The following STK32B variants were observed in gnomAD, a reference collection of about 807,000 sequenced individuals.
STK32B encodes serine/threonine kinase 32B.
STK32B carries 43 observed loss-of-function variants against 52.6 expected under a neutral mutation model. The observed-to-expected ratio is 0.82, with a 90% CI of 0.64 to 1.05. The LOEUF is 1.05. Among genes scored for constraint, STK32B ranks in the 50% least tolerant of loss-of-function variants. The pLI, the probability that STK32B is intolerant of heterozygous loss-of-function variation, is 0.00. For synonymous variants in STK32B, 238 were observed against 204.3 expected (o/e 1.17, Z -1.41); for missense variants, 621 against 534.6 (o/e 1.16, Z -1.59).
At chr4:5,156,218 A>G (rs1213471191) in intron 2 of STK32B, among the ~76,000 whole-genome samples, 2 of 152,000 alleles carry the variant, frequency 1.3e-5, no homozygotes, top group Non-Finnish European at 2.9e-5. Context: ...ACACTTACAC[A>G]TATAGCGTAT....
chr4:5,498,392 TAAC>T (rs3078911), intron 11 of STK32B, among the ~76,000 whole-genome samples: 10,714 of 152,218 alleles, frequency 0.07, 1,229 homozygotes, highest in African/African-American at 0.24. Context: ...AGTCTGTGTT[TAAC>T]AACTGTTTGG....
chr4:5,158,428 C>T (rs1429907430), intron 2 of STK32B, among the ~76,000 whole-genome samples: 1 of 152,150 alleles, frequency 6.6e-6, no homozygotes, highest in Non-Finnish European at 1.5e-5. Flanking sequence ...CTTTGTTCCC[C>T]TCCACCTGCT....
chr4:5,401,251 C>T (rs188456996), intron 5 of STK32B, among the ~76,000 whole-genome samples: 287 of 152,278 alleles, frequency 1.9e-3, no homozygotes, highest in African/African-American at 6.5e-3. Flanking sequence ...GCACCCCATT[C>T]GTGCTGGCAT....
In STK32B at chr4:5,453,152, G is replaced by A. The variant is rs1716157536; in HGVS notation, c.667-3655G>A. 6.6e-6 allele frequency among the ~76,000 whole-genome samples: 1 copy of A among 152,004 alleles called. No individual in the cohort carries two copies. The highest frequency in any genetic ancestry group is 2.4e-5 in the African/African-American group (1 of 41,380). On this transcript the variant is annotated intron_variant, in intron 7 of 11. Transcript: ENST00000282908. This position sits in a 1 kb window ranked among gnomAD's most constrained non-coding sequence, Gnocchi z 4.0. ...TGCACTGGCTTCCTAGTGCATTGGAGTTATTATTATCATCATTGTTTTTGT... is the reference window on the plus strand; with the variant it reads ...TGCACTGGCTTCCTAGTGCATTGGAATTATTATTATCATCATTGTTTTTGT...
At chr4:5,292,784 T>A (rs1055566841) in intron 3 of STK32B, among the ~76,000 whole-genome samples, 11 of 152,072 alleles carry the variant, frequency 7.2e-5, no homozygotes, top group East Asian at 3.8e-4. Flanking sequence ...TCTTTTTTTT[T>A]AAATTACACT....
chr4:5,291,001 C>G (rs1728862554), intron 3 of STK32B, among the ~76,000 whole-genome samples: 1 of 152,150 alleles, frequency 6.6e-6, no homozygotes, highest in Non-Finnish European at 1.5e-5. Context: ...ATCAATTCAT[C>G]ATAAAGATGT....
At chr4:5,107,142 ATAGGAGCG>A (rs1208898191) in intron 1 of STK32B, among the ~76,000 whole-genome samples, 11 of 152,080 alleles carry the variant, frequency 7.2e-5, no homozygotes, top group Non-Finnish European at 1.5e-4. Context: ...TTAGATTTTC[ATAGGAGCG>A]CAAACCTATA....
intron 3 of STK32B, among the ~76,000 whole-genome samples, chr4:5,254,785 A>G (rs952346702): frequency 2.0e-5 from 3 of 152,078 alleles, no homozygotes; most frequent in Non-Finnish European, 4.4e-5. Context: ...CACAGGTGCT[A>G]TGTTCTTTGA....
chr4:5,164,424 G>T (rs963654480), intron 2 of STK32B, among the ~76,000 whole-genome samples: 7 of 152,158 alleles, frequency 4.6e-5, no homozygotes, highest in African/African-American at 1.7e-4. Context: ...AATCCAGGTT[G>T]ATCTCATCCT....
chr4:5,255,454 AG>A (rs771217806), intron 3 of STK32B, among the ~76,000 whole-genome samples: 2 of 152,152 alleles, frequency 1.3e-5, no homozygotes, highest in Non-Finnish European at 2.9e-5. Flanking sequence ...ACATACATAC[AG>A]CAAAGTGAAT....
intron 3 of STK32B, among the ~76,000 whole-genome samples, chr4:5,304,396 G>A (rs1729778556): frequency 6.7e-6 from 1 of 148,726 alleles, no homozygotes; most frequent in African/African-American, 2.5e-5. Flanking sequence ...CAGCTCCTTG[G>A]TTAGGTACAG....
chr4:5,342,151 G>A (rs1273409115), intron 4 of STK32B, among the ~76,000 whole-genome samples: 1 of 152,088 alleles, frequency 6.6e-6, no homozygotes, highest in Non-Finnish European at 1.5e-5. Flanking sequence ...GATTCCTCAA[G>A]GATCTAGAAC....
rs138789620 is a variant in STK32B, at chr4:5,168,511, C to T, written c.260+61C>T. 809 of 1,535,698 alleles carry T rather than the reference C, an allele frequency of 5.3e-4. 4 individuals are homozygous for T. In the African/African-American group the frequency reaches 9.5e-3, roughly 18 times the overall value. ...CCCTGTGGGGAGCCAAATGCAAATT[C>T]GCCTCTGCTAGAGGGACTCTTCCGC... On this transcript the variant is annotated intron_variant, in intron 3 of 11. Coordinates refer to ENST00000282908, the MANE Select transcript of STK32B (RefSeq NM_018401.3).
chr4:5,156,964 C>G (rs1337406890), intron 2 of STK32B, among the ~76,000 whole-genome samples: 2 of 151,864 alleles, frequency 1.3e-5, no homozygotes, highest in African/African-American at 4.8e-5. Flanking sequence ...TTTGCAGGCT[C>G]TCACAGCTGC....
At chr4:5,244,872 T>A (rs1483406981) in intron 3 of STK32B, among the ~76,000 whole-genome samples, 2 of 152,238 alleles carry the variant, frequency 1.3e-5, no homozygotes, top group Non-Finnish European at 1.5e-5. Context: ...TAAGTTTCCA[T>A]GTAGTTGAGC....
the STK32B span, among the ~76,000 whole-genome samples, chr4:5,041,156 T>C: frequency 1.3e-5 from 2 of 152,184 alleles, no homozygotes; most frequent in South Asian, 2.1e-4. Flanking sequence ...TTCTGAGTCC[T>C]TTTCTTCAGG....
the STK32B span, chr4:5,019,584 C>T: frequency 1.1e-6 from 1 of 913,288 alleles, no homozygotes; most frequent in Non-Finnish European, 1.5e-6. Context: ...GAAGCCAGCA[C>T]GCCCACCGGG....
chr4:5,090,127 G>A (rs751507181), intron 1 of STK32B, among the ~76,000 whole-genome samples: 42 of 151,784 alleles, frequency 2.8e-4, no homozygotes, highest in Admixed American at 6.6e-5. Flanking sequence ...GTCAGATAGG[G>A]AGATTGCAAA....
At position 5,369,016 on chromosome 4, in the gene STK32B, C is replaced by T. The variant is rs189810548; in HGVS notation, c.435-29191C>T. Among the ~76,000 whole-genome samples, 13 of 152,168 alleles carry T rather than the reference C, an allele frequency of 8.5e-5. No homozygotes were observed. In the East Asian group the frequency reaches 2.1e-3, roughly 25 times the overall value. ...TGTGGACACAGAGCTGTCCACATCG[C>T]ACCCCACAATCCCTGCCTCCCTTGC... On this transcript the variant is annotated intron_variant, in intron 4 of 11. Transcript: ENST00000282908.
Sources: gnomAD v4.1 joint callset for allele counts (sites outside exome capture counted in the v4.1 genomes callset) on GRCh38, gnomAD v4.1.1 for gene constraint, Gnocchi (gnomAD v3.1) non-coding constraint, MANE v1.5 for transcripts, NCBI Gene and HGNC (gene_info 2026-07-23, HGNC 2026-07-21) for gene names.